The following TRIO variants were observed in gnomAD, a reference collection of about 807,000 sequenced individuals.
TRIO encodes the protein trio Rho guanine nucleotide exchange factor.
In TRIO, 58 loss-of-function variants were observed where a neutral mutation model predicts 351.9. The observed-to-expected ratio is 0.16, with a 90% confidence interval of 0.13 to 0.21. The LOEUF is 0.21. TRIO is among the 10% of genes least tolerant of loss of function. The probability of loss-of-function intolerance (pLI) is 1.00; values close to 1 mark genes in which losing one functional copy is unlikely to be tolerated. For synonymous variants in TRIO, 1,758 were observed against 1,595.7 expected, an observed-to-expected ratio of 1.10 and a Z score of -2.42; for missense variants, 3,201 against 4,027.8, an observed-to-expected ratio of 0.79 and a Z score of 5.56.
rs529095423 is a variant in TRIO, at chr5:14,323,993, A to G, written c.1732-6785A>G. Among the ~76,000 whole-genome samples, 11 of 152,346 alleles carry G rather than the reference A, an allele frequency of 7.2e-5. No homozygotes were observed. The East Asian group carries it at 1.9e-3, about 27-fold the overall frequency. On this transcript the variant is annotated intron_variant, in intron 9 of 56. Coordinates refer to ENST00000344204, the MANE Select transcript of TRIO (RefSeq NM_007118.4). ...GATCTGAAATGATGTTGCTTAGTCA[A>G]TGAGTCATCTTTTGTTGTATATCCC...
intron 1 of TRIO, among the ~76,000 whole-genome samples, chr5:14,205,240 C>T (rs1360767116): frequency 6.6e-6 from 1 of 152,192 alleles, no homozygotes; most frequent in African/African-American, 2.4e-5. Context: ...AGCACATCCA[C>T]CGCATGCTTC....
chr5:14,189,728 C>CTTT (rs199627264), intron 1 of TRIO, among the ~76,000 whole-genome samples: 1 of 144,138 alleles, frequency 6.9e-6, no homozygotes, highest in Non-Finnish European at 1.5e-5. Flanking sequence ...TTCGTTTTAA[C>CTTT]TTTTTTTTTT....
At chr5:14,425,905 T>C (rs761423635) in intron 34 of TRIO, among the ~76,000 whole-genome samples, 1 of 152,240 alleles carries the variant, frequency 6.6e-6, no homozygotes. Context: ...TTATAAGTTA[T>C]CCAGTTTAAG....
At chr5:14,410,198 A>AGAATTTG (rs1749078959) in intron 33 of TRIO, among the ~76,000 whole-genome samples, 3 of 152,200 alleles carry the variant, frequency 2.0e-5, no homozygotes, top group Admixed American at 2.0e-4. Context: ...CCAATAAGTC[A>AGAATTTG]GAATTTGGAA....
chr5:14,155,412 A>C (rs950200119), intron 1 of TRIO, among the ~76,000 whole-genome samples: 1 of 152,190 alleles, frequency 6.6e-6, no homozygotes, highest in Non-Finnish European at 1.5e-5. Context: ...TGATATCATG[A>C]TCTAAATCAC....
At position 14,479,294 on chromosome 5, in the gene TRIO, C is replaced by G. The variant is rs768941009; in HGVS notation, c.6187C>G (p.Gln2063Glu). 2 of 1,613,714 alleles carry G rather than the reference C, an allele frequency of 1.2e-6. No individual in the cohort carries two copies. The highest frequency in any genetic ancestry group is 3.3e-5 in the Admixed American group (2 of 59,962). Residue 2063 changes from glutamine to glutamate, a missense_variant, in exon 42 of 57, where the codon CAA becomes GAA. Gln to Glu is a conservative substitution (Grantham distance 29). Transcript: ENST00000344204. Reference sequence around the variant, plus strand: ...GTTGCACATGTACATAGCTTATTGTCAAAATAAACCAAAGTCTGAGCACAT... The same window carrying G: ...GTTGCACATGTACATAGCTTATTGTGAAAATAAACCAAAGTCTGAGCACAT... Reference protein sequence around the residue: ...RRLHMYIAYCQNKPKSEHIVS... With the variant: ...RRLHMYIAYCENKPKSEHIVS...
At chr5:14,418,041 G>A (rs968542953) in intron 33 of TRIO, among the ~76,000 whole-genome samples, 6 of 152,162 alleles carry the variant, frequency 3.9e-5, no homozygotes, top group Admixed American at 6.5e-5. Flanking sequence ...TGCTTCTGGT[G>A]ATGAAGGCAG....
intron 48 of TRIO, chr5:14,492,241 G>A (rs1023387588): frequency 1.2e-5 from 4 of 342,632 alleles, no homozygotes; most frequent in Non-Finnish European, 1.1e-5. Context: ...CTAACGTGGC[G>A]TCAGCAGGAG....
chr5:14,431,452 C>T (rs1040593556), intron 34 of TRIO, among the ~76,000 whole-genome samples: 1 of 152,196 alleles, frequency 6.6e-6, no homozygotes, highest in African/African-American at 2.4e-5. Flanking sequence ...TTTGCCTTGG[C>T]TGCATTGCAC....
At chr5:14,352,666 G>C (rs1263634239) in intron 11 of TRIO, among the ~76,000 whole-genome samples, 1 of 152,194 alleles carries the variant, frequency 6.6e-6, no homozygotes, top group African/African-American at 2.4e-5. Context: ...TGTAGGACCA[G>C]ACAGAAAAAT....
At chr5:14,445,447 A>G (rs1345308806) in intron 34 of TRIO, among the ~76,000 whole-genome samples, 1 of 152,212 alleles carries the variant, frequency 6.6e-6, no homozygotes, top group South Asian at 2.1e-4. Context: ...CGTTGGACAC[A>G]TCTTCTAGTC....
At chr5:14,381,098 C>T in intron 20 of TRIO, 32 bp from the exon 21 acceptor site, 1 of 1,604,568 alleles carries the variant, frequency 6.2e-7, no homozygotes, top group Non-Finnish European at 8.5e-7. Context: ...AATGTGTAGC[C>T]CTCTGACTCC....
chr5:14,191,969 T>A (rs985139346), intron 1 of TRIO, among the ~76,000 whole-genome samples: 1 of 152,208 alleles, frequency 6.6e-6, no homozygotes, highest in African/African-American at 2.4e-5. Flanking sequence ...AATTAGGAGA[T>A]GTTGGCATAT....
intron 23 of TRIO, 90 bp from the exon 24 acceptor site, chr5:14,388,523 A>G: frequency 7.9e-7 from 1 of 1,258,148 alleles, no homozygotes; most frequent in East Asian, 2.3e-5. Flanking sequence ...ATACTTTTAG[A>G]CCCACTCTGT....
intron 29 of TRIO, among the ~76,000 whole-genome samples, 159 bp from the exon 30 acceptor site, chr5:14,398,721 A>T (rs1579536750): frequency 6.6e-6 from 1 of 152,220 alleles, no homozygotes; most frequent in East Asian, 1.9e-4. Context: ...CCTCTGTAGG[A>T]TGGGTCAGTG....
intron 1 of TRIO, among the ~76,000 whole-genome samples, chr5:14,218,676 G>A (rs1792378981): frequency 6.6e-6 from 1 of 152,232 alleles, no homozygotes; most frequent in Admixed American, 6.5e-5. Flanking sequence ...TGGTTCCTGT[G>A]CACCTCACAA....
At chr5:14,480,296 CTGA>C (rs2126600493) in intron 43 of TRIO, among the ~76,000 whole-genome samples, 1 of 152,286 alleles carries the variant, frequency 6.6e-6, no homozygotes, top group African/African-American at 2.4e-5. Context: ...TATATTATTT[CTGA>C]TAAGTTAATC....
rs1017557227 is a variant in TRIO, at chr5:14,349,276, ATG to A, written c.2047-8896_2047-8895del. 1.3e-4 allele frequency among the ~76,000 whole-genome samples: 11 copies of A among 85,028 alleles called. No homozygotes were observed. The East Asian group carries it at 2.2e-3, about 17-fold the overall frequency. 55.8% of individuals were successfully genotyped at this position (85,028 alleles called of 152,430 possible). ...GTGAGCATGTGTTTTTCCTGTGTGT[ATG>A]TGTGTACGCACGTGAGCATGTGTTT... On this transcript the variant is annotated intron_variant, in intron 11 of 56. Transcript: ENST00000344204.
intron 11 of TRIO, among the ~76,000 whole-genome samples, chr5:14,346,252 G>A (rs1022136897): frequency 6.6e-6 from 1 of 152,206 alleles, no homozygotes; most frequent in Admixed American, 6.5e-5. Flanking sequence ...GTTGATGAAC[G>A]ACAAGCAGAA....
Sources: allele counts gnomAD v4.1 joint callset (sites outside exome capture counted in the v4.1 genomes callset), GRCh38; gene constraint gnomAD v4.1.1; transcripts MANE v1.5; gene names NCBI Gene and HGNC (gene_info 2026-07-23, HGNC 2026-07-21).